Variants in PLGRKT observed in about 807,000 individuals in gnomAD.
The protein encoded by PLGRKT is plasminogen receptor with a C-terminal lysine, also known as plasminogen receptor (KT).
In PLGRKT, 22 loss-of-function variants were observed where a neutral mutation model predicts 18.5. The ratio of observed to expected loss-of-function variants is 1.19; its 90% CI spans 0.85 to 1.70. The LOEUF is 1.70. Ranked by LOEUF, PLGRKT falls within the 40% of genes most tolerant of loss-of-function variation. PLGRKT has a pLI of 0.00. For synonymous variants in PLGRKT, 72 were observed against 52.8 expected, an observed-to-expected ratio of 1.36 and a Z score of -1.58; for missense variants, 235 against 174.4, an observed-to-expected ratio of 1.35 and a Z score of -1.96.
intron 3 of PLGRKT, among the ~76,000 whole-genome samples, chr9:5,409,899 CT>C (rs1247025022): frequency 3.9e-5 from 6 of 152,180 alleles, no homozygotes; most frequent in African/African-American, 1.4e-4. Flanking sequence ...GAAATTCTAA[CT>C]TTTTTTTCCA....
chr9:5,364,157 A>T lies in PLGRKT; in HGVS notation c.82-2269T>A, dbSNP rs77702301. Among the ~76,000 whole-genome samples the T allele has an allele frequency of 0.015, 2,338 of 152,336 alleles. 94 individuals carry two copies. In the East Asian group the frequency reaches 0.17, roughly 11 times the overall value. Reference sequence around the variant, plus strand: ...GGTCTAGTAACCAGATATACCTCCCAGACCAACTAAACCAAGTGGGATCAA... The same window carrying T: ...GGTCTAGTAACCAGATATACCTCCCTGACCAACTAAACCAAGTGGGATCAA... On this transcript the variant is annotated intron_variant, in intron 3 of 5. Coordinates refer to ENST00000223864, the MANE Select transcript of PLGRKT (RefSeq NM_018465.4).
chr9:5,376,206 G>A (rs190378972), intron 3 of PLGRKT, among the ~76,000 whole-genome samples: 1 of 152,272 alleles, frequency 6.6e-6, no homozygotes, highest in African/African-American at 2.4e-5. Flanking sequence ...TGGAGAGTGG[G>A]GAGTTTGTGT....
chr9:5,433,653 G>A (rs185261231), intron 2 of PLGRKT, among the ~76,000 whole-genome samples: 24 of 139,376 alleles, frequency 1.7e-4, no homozygotes, highest in Non-Finnish European at 2.8e-4. Flanking sequence ...CGGCCGCCCC[G>A]TCTGGGATGT....
intron 3 of PLGRKT, among the ~76,000 whole-genome samples, chr9:5,379,244 T>A (rs1817689838): frequency 6.6e-6 from 1 of 152,090 alleles, no homozygotes; most frequent in South Asian, 2.1e-4. Context: ...CTAATCAAAA[T>A]CTGATCAGAA....
intron 3 of PLGRKT, among the ~76,000 whole-genome samples, chr9:5,421,949 T>C (rs1047648658): frequency 6.6e-6 from 1 of 152,210 alleles, no homozygotes; most frequent in Non-Finnish European, 1.5e-5. Flanking sequence ...ACAAAAGTTA[T>C]TTGGTAAATT....
At chr9:5,368,014 T>C (rs1385573909) in intron 3 of PLGRKT, among the ~76,000 whole-genome samples, 4 of 151,828 alleles carry the variant, frequency 2.6e-5, no homozygotes, top group Non-Finnish European at 5.9e-5. Context: ...ATCAGGAAAA[T>C]GTGAATCAAA....
At chr9:5,435,445 GCTA>G (rs1563795170) in intron 2 of PLGRKT, among the ~76,000 whole-genome samples, 2 of 151,566 alleles carry the variant, frequency 1.3e-5, no homozygotes, top group African/African-American at 4.8e-5. Context: ...TCCACCCACT[GCTA>G]ACTGCCTTAG....
chr9:5,421,958 T>C (rs1006074079), intron 3 of PLGRKT, among the ~76,000 whole-genome samples: 7 of 152,196 alleles, frequency 4.6e-5, no homozygotes, highest in Non-Finnish European at 8.8e-5. Context: ...ATTTGGTAAA[T>C]TGTGGAGACT....
intron 3 of PLGRKT, among the ~76,000 whole-genome samples, chr9:5,417,863 G>A (rs80012268): frequency 0.03 from 4,605 of 152,030 alleles, 97 homozygotes; most frequent in African/African-American, 0.04. Context: ...TGTATAAAAA[G>A]CCTCAGCAAC....
intron 3 of PLGRKT, among the ~76,000 whole-genome samples, chr9:5,410,799 A>G (rs1818348094): frequency 6.6e-6 from 1 of 152,196 alleles, no homozygotes; most frequent in African/African-American, 2.4e-5. Context: ...TAGAAATGGC[A>G]TCAGTATATC....
intron 3 of PLGRKT, among the ~76,000 whole-genome samples, chr9:5,385,622 G>A (rs1012890075): frequency 3.3e-5 from 5 of 151,616 alleles, no homozygotes; most frequent in South Asian, 2.1e-4. Context: ...TGTGTGTTTT[G>A]GAGAAAGTAA....
chr9:5,383,711 G>C (rs1817788158), intron 3 of PLGRKT, among the ~76,000 whole-genome samples: 1 of 152,128 alleles, frequency 6.6e-6, no homozygotes, highest in Admixed American at 6.5e-5. Context: ...GTTCACAACA[G>C]GGTTCACACT....
intron 3 of PLGRKT, among the ~76,000 whole-genome samples, chr9:5,407,594 A>T (rs1346289814): frequency 2.0e-5 from 3 of 152,168 alleles, no homozygotes; most frequent in Non-Finnish European, 2.9e-5. Flanking sequence ...TATCCATAAC[A>T]TAAACATGTC....
chr9:5,421,510 G>C (rs1818574860), intron 3 of PLGRKT, among the ~76,000 whole-genome samples: 1 of 152,196 alleles, frequency 6.6e-6, no homozygotes, highest in South Asian at 2.1e-4. Context: ...GAAGGATTTT[G>C]TTCACTATTA....
At chr9:5,416,999 C>T (rs143863923) in intron 3 of PLGRKT, among the ~76,000 whole-genome samples, 2 of 152,206 alleles carry the variant, frequency 1.3e-5, no homozygotes, top group Admixed American at 1.3e-4. Flanking sequence ...ACTTGGTGGA[C>T]ATTTTTAGTA....
At chr9:5,369,311 T>C (rs1186941187) in intron 3 of PLGRKT, among the ~76,000 whole-genome samples, 3 of 152,178 alleles carry the variant, frequency 2.0e-5, no homozygotes, top group African/African-American at 4.8e-5. Context: ...AAAGAAGACA[T>C]TTATGCAGCC....
intron 3 of PLGRKT, among the ~76,000 whole-genome samples, chr9:5,388,322 T>A (rs921361841): frequency 2.6e-5 from 4 of 151,848 alleles, no homozygotes; most frequent in African/African-American, 9.7e-5. Context: ...ATCAACTGTG[T>A]CAAAAGTTGC....
chr9:5,408,918 G>C (rs1283360669), intron 3 of PLGRKT, among the ~76,000 whole-genome samples: 1 of 152,250 alleles, frequency 6.6e-6, no homozygotes, highest in Admixed American at 6.5e-5. Flanking sequence ...CACTGCTTCA[G>C]AGGGTGCAAG....
intron 3 of PLGRKT, among the ~76,000 whole-genome samples, chr9:5,380,324 G>A (rs1046336376): frequency 1.4e-5 from 2 of 148,014 alleles, no homozygotes; most frequent in African/African-American, 2.5e-5. Context: ...CCGAGATTGC[G>A]CCACTGCACT....
Sources: allele counts gnomAD v4.1 joint callset (sites outside exome capture counted in the v4.1 genomes callset), GRCh38; gene constraint gnomAD v4.1.1; transcripts MANE v1.5; gene names NCBI Gene and HGNC (gene_info 2026-07-23, HGNC 2026-07-21).